BFAR: variants seen among roughly 807,000 people sequenced by gnomAD.
The protein encoded by BFAR is RING finger protein 47.
BFAR carries 52 observed loss-of-function variants against 54.4 expected under a neutral mutation model. The ratio of observed to expected loss-of-function variants is 0.96; its 90% CI spans 0.77 to 1.21. The LOEUF is 1.21. BFAR is among the 50% of genes most tolerant of loss of function. The pLI, the probability that BFAR is intolerant of heterozygous loss-of-function variation, is 0.00. For synonymous variants in BFAR, 215 were observed against 204.3 expected, an observed-to-expected ratio of 1.05 and a Z score of -0.45; for missense variants, 571 against 534.0, an observed-to-expected ratio of 1.07 and a Z score of -0.68.
At chr16:14,643,564 T>C (rs1959690944) in intron 1 of BFAR, among the ~76,000 whole-genome samples, 1 of 152,078 alleles carries the variant, frequency 6.6e-6, no homozygotes, top group African/African-American at 2.4e-5. Context: ...TTTAAAAAAT[T>C]AGAGCTCCAG....
chr16:14,660,691 A>G (rs1175460644), intron 5 of BFAR, among the ~76,000 whole-genome samples: 1 of 143,822 alleles, frequency 7.0e-6, no homozygotes, highest in Non-Finnish European at 1.5e-5. Flanking sequence ...ACCTGAGGTC[A>G]GGAGTTCGAG....
intron 4 of BFAR, among the ~76,000 whole-genome samples, chr16:14,652,633 CAT>C (rs1457201202): frequency 6.6e-6 from 1 of 152,122 alleles, no homozygotes; most frequent in Non-Finnish European, 1.5e-5. Flanking sequence ...TTGAAAGTGA[CAT>C]ACTCTTGTAA....
At chr16:14,654,525 G>A (rs1245823480) in intron 4 of BFAR, among the ~76,000 whole-genome samples, 2 of 129,968 alleles carry the variant, frequency 1.5e-5, no homozygotes, top group African/African-American at 5.8e-5. Context: ...TTTTGAGATG[G>A]AGTCTCACTC....
Position 14,640,688 on chromosome 16 carries a change from G to A in BFAR, c.-73-3586G>A, listed in dbSNP as rs144807142. Among the ~76,000 whole-genome samples, 63 of 152,312 alleles carry A rather than the reference G, an allele frequency of 4.1e-4. 2 individuals are homozygous for A. Among genetic ancestry groups the A allele is most frequent in the Admixed American group, 1.0e-3 (16 of 15,292 alleles). On this transcript the variant is annotated intron_variant, in intron 1 of 7. Coordinates refer to ENST00000261658, the MANE Select transcript of BFAR (RefSeq NM_016561.3). ...ATGATGTTAATAATGATGCGTCACC[G>A]TGGTGAGGCTCACCTGCTTCCTTAT...
intron 2 of BFAR, among the ~76,000 whole-genome samples, chr16:14,645,480 T>C (rs1417239920): frequency 6.6e-6 from 1 of 152,200 alleles, no homozygotes; most frequent in African/African-American, 2.4e-5. Context: ...TTCAGATAGC[T>C]TGTTATTTTC....
intron 1 of BFAR, chr16:14,633,228 A>G (rs1222946345): frequency 1.3e-5 from 2 of 152,196 alleles, no homozygotes; most frequent in African/African-American, 2.4e-5. Flanking sequence ...CAACTGCGCT[A>G]TCCCTTCCCG....
At chr16:14,665,244 TG>T (rs1960410902) in intron 7 of BFAR, 173 bp downstream of exon 7, 3 of 636,836 alleles carry the variant, frequency 4.7e-6, no homozygotes, top group Admixed American at 3.0e-5. Flanking sequence ...ACCTGTGTTT[TG>T]GGGGTGGGGG....
intron 5 of BFAR, among the ~76,000 whole-genome samples, chr16:14,660,369 C>G (rs563881958): frequency 5.8e-4 from 88 of 152,174 alleles, no homozygotes; most frequent in African/African-American, 2.0e-3. Context: ...TCACTGCAAC[C>G]TCTGCCTCCC....
At chr16:14,650,630 C>A (rs1217252266) in intron 4 of BFAR, 3 of 152,148 alleles carry the variant, frequency 2.0e-5, no homozygotes, top group Non-Finnish European at 4.4e-5. Context: ...TTAGCATAAT[C>A]TTTTTCAAGG....
chr16:14,636,238 AAG>A (rs1235616638), intron 1 of BFAR, among the ~76,000 whole-genome samples: 1 of 152,154 alleles, frequency 6.6e-6, no homozygotes, highest in Non-Finnish European at 1.5e-5. Context: ...AGTATAGAGA[AAG>A]AAATAAGGAG....
Position 14,667,729 on chromosome 16 carries a change from T to C in BFAR, c.1255T>C (p.Cys419Arg). The C allele has an allele frequency of 6.2e-7, 1 of 1,614,060 alleles. No homozygotes were observed. The highest frequency in any genetic ancestry group is 1.1e-5 in the South Asian group (1 of 91,076). Residue 419 changes from cysteine to arginine, a missense_variant, in exon 8 of 8, where the codon TGC (cysteine) becomes CGC (arginine). Physicochemically the swap from Cys to Arg is radical, Grantham distance 180. Coordinates refer to ENST00000261658, the MANE Select transcript of BFAR (RefSeq NM_016561.3). ...CTGGCCCCTCATCCCTCAGTTTGTT[T>C]GCAACTGTTTGTTTTACTGGGCCCT... ...MFWPLIPQFV[C>R]NCLFYWALYF...
chr16:14,665,253 G>A (rs970664158), intron 7 of BFAR, 182 bp downstream of exon 7: 23 of 616,618 alleles, frequency 3.7e-5, no homozygotes, highest in Non-Finnish European at 5.6e-5. Context: ...TTGGGGGTGG[G>A]GGTTGTGGTG....
intron 5 of BFAR, among the ~76,000 whole-genome samples, chr16:14,656,492 G>GAA (rs904695833): frequency 1.5e-5 from 2 of 131,540 alleles, no homozygotes; most frequent in Non-Finnish European, 1.7e-5. Flanking sequence ...CCCTGTTTCA[G>GAA]AAAAAAAAAA....
chr16:14,667,733 A>C lies in BFAR; in HGVS notation c.1259A>C (p.Asn420Thr), dbSNP rs1174050109. 2.5e-6 allele frequency: 4 copies of C among 1,613,918 alleles called. No individual in the cohort carries two copies. Among genetic ancestry groups the C allele is most frequent in the South Asian group, 1.1e-5 (1 of 91,086 alleles). ...CCCCTCATCCCTCAGTTTGTTTGCA[A>C]CTGTTTGTTTTACTGGGCCCTGTAC... ...FWPLIPQFVCNCLFYWALYFN... is the reference protein window; with the variant it reads ...FWPLIPQFVCTCLFYWALYFN... Residue 420 changes from asparagine (N) to threonine (T), a missense_variant, in exon 8 of 8, where the codon AAC becomes ACC. Physicochemically the swap from Asn to Thr is moderately conservative, Grantham distance 65. Transcript: ENST00000261658.
rs1205037237 is a variant in BFAR at position 14,661,915 on chromosome 16, G to T, written c.807G>T (p.Leu269=). 1 of 1,614,186 alleles carries T rather than the reference G, an allele frequency of 6.2e-7. No homozygotes were observed. The highest frequency in any genetic ancestry group is 1.7e-5 in the Admixed American group (1 of 60,012). The change falls in exon 6 of 8, where the codon CTG becomes CTT. Residue 269 remains leucine, a synonymous_variant. Coordinates refer to ENST00000261658, the MANE Select transcript of BFAR (RefSeq NM_016561.3). ...EYKAVNPGRS[L]FLLYALKSSP... ...AGGCTGTGAACCCAGGCAGGTCCCT[G>T]TTCCTGCTATACGCCCTCAAGAGCT... is the stretch of plus-strand genomic sequence containing the variant.
In BFAR at chr16:14,668,926, A is replaced by G; in HGVS notation, c.*1099A>G. 4.2e-6 allele frequency: 1 copy of G among 235,380 alleles called. No homozygotes were observed. The highest frequency in any genetic ancestry group is 4.2e-5 in the South Asian group (1 of 23,958). The allele number at this position is 235,380 out of a possible 1,614,324, so 14.6% of individuals were successfully genotyped here. On this transcript the variant is annotated 3_prime_UTR_variant, in exon 8 of 8. Coordinates refer to ENST00000261658, the MANE Select transcript of BFAR (RefSeq NM_016561.3). ...TTGTAAATTGAGCTCACACTATATA[A>G]TCTTTATTGTCCTATCCTGATGTAT...
At chr16:14,650,650 G>T (rs1959942073) in intron 4 of BFAR, 1 of 152,152 alleles carries the variant, frequency 6.6e-6, no homozygotes, top group South Asian at 2.1e-4. Flanking sequence ...GTTTACCCGT[G>T]ACATAACATG....
rs1960068583 is a variant in BFAR, at chr16:14,654,554, C to T, written c.639-512C>T. Among the ~76,000 whole-genome samples, 4 of 130,540 alleles carry T rather than the reference C, an allele frequency of 3.1e-5. No homozygotes were observed. The South Asian group carries it at 9.7e-4, about 32-fold the overall frequency. 85.6% of individuals were successfully genotyped at this position (130,540 alleles called of 152,430 possible). A position where few individuals can be genotyped will look rare whatever the true frequency, so the allele number is the denominator to read the frequency against. ...CTCACTCTGTTGCCTGGGCTGAAGG[C>T]TGGAGGGCAGTGACGAGATCTTAGC... is the stretch of plus-strand genomic sequence containing the variant. On this transcript the variant is annotated intron_variant, in intron 4 of 7. Coordinates refer to ENST00000261658, the MANE Select transcript of BFAR (RefSeq NM_016561.3).
At chr16:14,641,856 C>CT (rs1233422878) in intron 1 of BFAR, among the ~76,000 whole-genome samples, 3 of 152,194 alleles carry the variant, frequency 2.0e-5, no homozygotes, top group East Asian at 1.9e-4. Context: ...GAGCAAAACT[C>CT]TATCACTAAA....
Sources: allele counts gnomAD v4.1 joint callset (sites outside exome capture counted in the v4.1 genomes callset), GRCh38; gene constraint gnomAD v4.1.1; transcripts MANE v1.5; gene names NCBI Gene and HGNC (gene_info 2026-07-23, HGNC 2026-07-21).